Variants in ZFAT observed in about 807,000 individuals in gnomAD.
The protein encoded by ZFAT is zinc finger and AT-hook domain containing.
Under a neutral mutation model 117.7 loss-of-function variants are expected in ZFAT, and 64 were observed. The ratio of observed to expected loss-of-function variants is 0.54; its 90% CI spans 0.44 to 0.67. The LOEUF is 0.67. Ranked by LOEUF, ZFAT falls within the 30% of genes least tolerant of loss-of-function variation. ZFAT has a pLI of 0.00. For synonymous variants in ZFAT, 679 were observed against 615.0 expected, an observed-to-expected ratio of 1.10 and a Z score of -1.54; for missense variants, 1,433 against 1,584.5, an observed-to-expected ratio of 0.90 and a Z score of 1.62.
At chr8:134,619,990 AG>A (rs1170408398) in intron 3 of ZFAT, among the ~76,000 whole-genome samples, 1 of 152,150 alleles carries the variant, frequency 6.6e-6, no homozygotes, top group East Asian at 1.9e-4. Flanking sequence ...GAGTGCAGAG[AG>A]GAACCAGCCG....
rs765950208 is a variant in ZFAT at position 134,637,626 on chromosome 8, C to A, written c.283G>T (p.Val95Leu). 16 of 1,614,230 alleles carry A rather than the reference C, an allele frequency of 9.9e-6. No homozygotes were observed. In the South Asian group the frequency reaches 1.8e-4, roughly 18 times the overall value. The change falls in exon 3 of 16, where the codon GTG becomes TTG. Residue 95 changes from valine to leucine, a missense_variant. Coordinates refer to ENST00000377838, the MANE Select transcript of ZFAT (RefSeq NM_020863.4). The stretch of plus-strand genomic sequence containing the variant: ...AGCGGGCTGTCCTCAGTCGGACTCA[C>A]GATGTTTTCTGCCAGCTCCTCTTCT... ...STEEELAENI[V>L]SPTEDSPLAP...
At chr8:134,498,401 C>T (rs1348328396) in intron 15 of ZFAT, among the ~76,000 whole-genome samples, 2 of 60,410 alleles carry the variant, frequency 3.3e-5, no homozygotes, top group East Asian at 7.0e-4. Context: ...GGGATGCCCC[C>T]GTTGCTGGTT....
intron 1 of ZFAT, among the ~76,000 whole-genome samples, chr8:134,703,130 A>G (rs1288514383): frequency 1.3e-5 from 2 of 152,216 alleles, no homozygotes; most frequent in African/African-American, 2.4e-5. Flanking sequence ...ATGATGTATC[A>G]AAGTTCCAGC....
intron 11 of ZFAT, among the ~76,000 whole-genome samples, chr8:134,550,325 A>AAAAAAACAAC (rs1554643706): frequency 8.0e-5 from 12 of 150,630 alleles, no homozygotes; most frequent in African/African-American, 3.0e-4. Context: ...AAAAAAAAAA[A>AAAAAAACAAC]AAAAAAACAG....
chr8:134,487,660 G>A (rs551740695), intron 15 of ZFAT, among the ~76,000 whole-genome samples: 11 of 152,152 alleles, frequency 7.2e-5, no homozygotes, highest in African/African-American at 2.2e-4. Flanking sequence ...ATGCCCTCTC[G>A]CCTCTGAACT....
At chr8:134,606,396 C>A (rs2130950444) in intron 5 of ZFAT, among the ~76,000 whole-genome samples, 1 of 152,262 alleles carries the variant, frequency 6.6e-6, no homozygotes, top group Admixed American at 6.5e-5. Context: ...AGTACAAAGG[C>A]ATATAAATGT....
chr8:134,811,240 T>G, the ZFAT span, among the ~76,000 whole-genome samples: 1 of 152,162 alleles, frequency 6.6e-6, no homozygotes, highest in Non-Finnish European at 1.5e-5. Context: ...GTAACAGAAT[T>G]AAGATTATCG....
chr8:134,653,008 CAT>C (rs1449919248), intron 2 of ZFAT, among the ~76,000 whole-genome samples: 2 of 151,928 alleles, frequency 1.3e-5, no homozygotes, highest in East Asian at 1.9e-4. Flanking sequence ...AGAGAGAAAA[CAT>C]ATGTCATCAA....
In ZFAT at chr8:134,712,881, GA is replaced by G; in HGVS notation, c.-19del. 2 of 1,505,982 alleles carry G rather than the reference GA, an allele frequency of 1.3e-6. No individual in the cohort carries two copies. Among genetic ancestry groups the G allele is most frequent in the Non-Finnish European group, 1.8e-6 (2 of 1,127,346 alleles). 93.3% of individuals were successfully genotyped at this position (1,505,982 alleles called of 1,614,324 possible). ...GTCTCCATGGCAACGCCCCACCGCG[GA>G]GGAAAAAAAAGCCTCGGGCTCTTCC... On this transcript the variant is annotated 5_prime_UTR_variant, in exon 1 of 16. Coordinates refer to ENST00000377838, the MANE Select transcript of ZFAT (RefSeq NM_020863.4).
intron 2 of ZFAT, among the ~76,000 whole-genome samples, chr8:134,654,079 C>CTGAAA (rs1831445670): frequency 6.6e-6 from 1 of 152,086 alleles, no homozygotes; most frequent in African/African-American, 2.4e-5. Flanking sequence ...AGTGGATCAC[C>CTGAAA]TGAAGTCAGA....
chr8:134,498,127 C>A (rs1281666729), intron 15 of ZFAT, among the ~76,000 whole-genome samples: 1 of 48,752 alleles, frequency 2.1e-5, no homozygotes, highest in Non-Finnish European at 4.2e-5. Flanking sequence ...ACACACAGAG[C>A]CTGATTTGGT....
chr8:134,671,650 C>G (rs937530496), intron 1 of ZFAT, among the ~76,000 whole-genome samples: 1 of 152,208 alleles, frequency 6.6e-6, no homozygotes, highest in Non-Finnish European at 1.5e-5. Context: ...CAATATCATA[C>G]TGAATGGGCA....
chr8:134,824,260 G>A, the ZFAT span, among the ~76,000 whole-genome samples: 1 of 152,158 alleles, frequency 6.6e-6, no homozygotes, highest in African/African-American at 2.4e-5. Flanking sequence ...AATTTAAGTA[G>A]AATTAGAATG....
chr8:134,589,880 T>C (rs561719379), intron 8 of ZFAT, among the ~76,000 whole-genome samples: 6 of 152,304 alleles, frequency 3.9e-5, no homozygotes, highest in African/African-American at 7.2e-5. Context: ...GGTAATGGTC[T>C]CTCCAACTCA....
the ZFAT span, chr8:134,798,349 G>A: frequency 4.0e-5 from 6 of 151,630 alleles, no homozygotes; most frequent in Non-Finnish European, 7.4e-5. Context: ...AAACAAGAGG[G>A]GAAAACTGAG....
the ZFAT span, among the ~76,000 whole-genome samples, chr8:134,760,273 G>GA: frequency 0.24 from 30,573 of 128,360 alleles, 3,403 homozygotes; most frequent in East Asian, 0.35. Context: ...GTCTCAAAAA[G>GA]AAAAAAAAAA....
intron 1 of ZFAT, among the ~76,000 whole-genome samples, chr8:134,698,339 G>T (rs201297645): frequency 8.6e-6 from 1 of 116,890 alleles, no homozygotes. Context: ...AAAAAAAAAA[G>T]AATGACCTAA....
chr8:134,549,025 C>T (rs933414131), intron 11 of ZFAT, among the ~76,000 whole-genome samples: 7 of 152,332 alleles, frequency 4.6e-5, no homozygotes, highest in South Asian at 2.1e-4. Context: ...GGAAGAATTC[C>T]ATCACATTGA....
chr8:134,759,459 C>T, the ZFAT span, among the ~76,000 whole-genome samples: 1,797 of 152,238 alleles, frequency 0.012, 40 homozygotes, highest in African/African-American at 0.041. Context: ...TCTGGGACAT[C>T]AAAATTCTGA....
Sources: gnomAD v4.1 joint callset for allele counts (sites outside exome capture counted in the v4.1 genomes callset) on GRCh38, gnomAD v4.1.1 for gene constraint, MANE v1.5 for transcripts, NCBI Gene and HGNC (gene_info 2026-07-23, HGNC 2026-07-21) for gene names.